DYNC2H1: variants seen among roughly 807,000 people sequenced by gnomAD.
DYNC2H1 encodes the protein dynein cytoplasmic 2 heavy chain 1.
DYNC2H1 carries 410 observed loss-of-function variants against 570.0 expected under a neutral mutation model. The ratio of observed to expected loss-of-function variants is 0.72; its 90% CI spans 0.66 to 0.78. DYNC2H1 has a LOEUF of 0.78. Among genes scored for constraint, DYNC2H1 ranks in the 30% least tolerant of loss-of-function variants. DYNC2H1 has a pLI of 0.00. For missense variants in DYNC2H1, 4,865 were observed against 5,046.4 expected, an observed-to-expected ratio of 0.96 and a Z score of 1.09; for synonymous variants, 1,688 against 1,677.6, an observed-to-expected ratio of 1.01 and a Z score of -0.15.
In DYNC2H1 at chr11:103,186,125, A is replaced by G; in HGVS notation, c.6634-117A>G. On this transcript the variant is annotated intron_variant, in intron 41 of 88. Transcript: ENST00000375735. The surrounding 1 kb of genome is among the most constrained non-coding windows in gnomAD (Gnocchi z 4.5). ...ATTAATGATAAAATAGGTTTAGTTT[A>G]TGTAAAGTTTTCTTGGAACTAAGAT... The G allele has an allele frequency of 1.0e-6, 1 of 980,858 alleles. No individual in the cohort carries two copies. The highest frequency in any genetic ancestry group is 1.5e-6 in the Non-Finnish European group (1 of 684,078). The allele number at this position is 980,858 out of a possible 1,614,324, so 60.8% of individuals were successfully genotyped here.
At position 103,363,483 on chromosome 11, in the gene DYNC2H1, A is replaced by G. The variant is rs1407784530; in HGVS notation, c.12156+5124A>G. 1.3e-5 allele frequency among the ~76,000 whole-genome samples: 2 copies of G among 152,212 alleles called. No homozygotes were observed. The highest frequency in any genetic ancestry group is 1.3e-4 in the Admixed American group (2 of 15,282). On this transcript the variant is annotated intron_variant, in intron 83 of 88. Transcript: ENST00000375735. The surrounding 1 kb of genome is among the most constrained non-coding windows in gnomAD (Gnocchi z 5.6). ...TTAATACTCAATTTAAAATCTTACC[A>G]CAAGGCAAACTCTTATTCTAAAAAA...
At chr11:103,250,177 T>A (rs1298249312) in intron 65 of DYNC2H1, among the ~76,000 whole-genome samples, 13 of 152,038 alleles carry the variant, frequency 8.6e-5, no homozygotes, top group Non-Finnish European at 1.8e-4. Flanking sequence ...TTTATCTAAA[T>A]TATCACATAA....
Position 103,249,277 on chromosome 11 carries a change from T to C in DYNC2H1, c.10042+3903T>C, listed in dbSNP as rs1375398077. 6.6e-6 allele frequency among the ~76,000 whole-genome samples: 1 copy of C among 152,044 alleles called. No individual in the cohort carries two copies. The highest frequency in any genetic ancestry group is 1.5e-5 in the Non-Finnish European group (1 of 67,942). On this transcript the variant is annotated intron_variant, in intron 65 of 88. Coordinates refer to ENST00000375735, the MANE Select transcript of DYNC2H1 (RefSeq NM_001377.3). The surrounding 1 kb of genome is among the most constrained non-coding windows in gnomAD (Gnocchi z 4.6). ...TACATGCATGGGTTGTAAAGTCAAA[T>C]GATACAGAAGTGCAGCAGCATTCTG...
rs1939866616 is a variant in DYNC2H1 at position 103,348,434 on chromosome 11, T to A, written c.12040-9809T>A. Among the ~76,000 whole-genome samples, 4 of 152,258 alleles carry A rather than the reference T, an allele frequency of 2.6e-5. No homozygotes were observed. The South Asian group carries it at 8.3e-4, about 32-fold the overall frequency. Reference sequence around the variant, plus strand: ...ATCCCCATTACCCCCAAAAGTTTTCTCTCAGCACTCCCTCCTCTTTCTTCT... The same window carrying A: ...ATCCCCATTACCCCCAAAAGTTTTCACTCAGCACTCCCTCCTCTTTCTTCT... On this transcript the variant is annotated intron_variant, in intron 82 of 88. Transcript: ENST00000375735.
chr11:103,335,730 T>C (rs1446042153), intron 82 of DYNC2H1, among the ~76,000 whole-genome samples: 2 of 152,140 alleles, frequency 1.3e-5, no homozygotes, highest in Non-Finnish European at 2.9e-5. Flanking sequence ...TTAGTGTATA[T>C]GTGGCGTTAT....
At chr11:103,424,712 A>G (rs1266888617) in intron 84 of DYNC2H1, among the ~76,000 whole-genome samples, 1 of 151,818 alleles carries the variant, frequency 6.6e-6, no homozygotes, top group Non-Finnish European at 1.5e-5. Context: ...CTCCAAAAAA[A>G]AAAAAAAAGA....
At chr11:103,450,245 T>C (rs1331133729) in intron 85 of DYNC2H1, among the ~76,000 whole-genome samples, 2 of 152,014 alleles carry the variant, frequency 1.3e-5, no homozygotes, top group African/African-American at 2.4e-5. Flanking sequence ...AATAGATAAA[T>C]CCAGAATTAA....
At position 103,446,386 on chromosome 11, in the gene DYNC2H1, G is replaced by A. The variant is rs1439777706; in HGVS notation, c.12457-8800G>A. Among the ~76,000 whole-genome samples the A allele has an allele frequency of 6.6e-6, 1 of 152,110 alleles. No individual in the cohort carries two copies. Among genetic ancestry groups the A allele is most frequent in the East Asian group, 1.9e-4 (1 of 5,180 alleles). On this transcript the variant is annotated intron_variant, in intron 85 of 88. Transcript: ENST00000375735. The surrounding 1 kb of genome is among the most constrained non-coding windows in gnomAD (Gnocchi z 4.5). ...GAGGCTGTAGTGATCAAGAAGCCAAGAGAATAAAGTGTTCTTAAAGGTCAG... is the reference window on the plus strand; with the variant it reads ...GAGGCTGTAGTGATCAAGAAGCCAAAAGAATAAAGTGTTCTTAAAGGTCAG...
chr11:103,395,368 T>C lies in DYNC2H1; in HGVS notation c.12157-4295T>C, dbSNP rs924590418. ...TTATTATGTATTATGTATATCCTCA[T>C]ATATAATATATATTCTGAAAGATCT... On this transcript the variant is annotated intron_variant, in intron 83 of 88. Transcript: ENST00000375735. The surrounding 1 kb of genome is among the most constrained non-coding windows in gnomAD (Gnocchi z 4.3). Among the ~76,000 whole-genome samples, 3 of 151,732 alleles carry C rather than the reference T, an allele frequency of 2.0e-5. No individual in the cohort carries two copies. Among genetic ancestry groups the C allele is most frequent in the Non-Finnish European group, 4.4e-5 (3 of 67,904 alleles).
At chr11:103,337,043 G>T (rs1400223076) in intron 82 of DYNC2H1, among the ~76,000 whole-genome samples, 2 of 152,154 alleles carry the variant, frequency 1.3e-5, no homozygotes, top group Non-Finnish European at 2.9e-5. Flanking sequence ...CAGAACGAGG[G>T]CAAGGAAAAC....
At position 103,429,317 on chromosome 11, in the gene DYNC2H1, A is replaced by G. The variant is rs117214129; in HGVS notation, c.12367-6626A>G. On this transcript the variant is annotated intron_variant, in intron 84 of 88. Coordinates refer to ENST00000375735, the MANE Select transcript of DYNC2H1 (RefSeq NM_001377.3). ...TAGTTTTTCATAGAAAGCAAGTAAT[A>G]GAAGATCCTCTTTGAGAAGGGAAAA... Among the ~76,000 whole-genome samples, 361 of 152,274 alleles carry G rather than the reference A, an allele frequency of 2.4e-3. 2 individuals are homozygous for G. Among genetic ancestry groups the G allele is most frequent in the Non-Finnish European group, 4.2e-3 (283 of 68,016 alleles).
At chr11:103,128,475 A>G (rs150409103) in intron 12 of DYNC2H1, among the ~76,000 whole-genome samples, 139 of 152,330 alleles carry the variant, frequency 9.1e-4, no homozygotes, top group Admixed American at 2.2e-3. Context: ...CTGATGTGGA[A>G]TATGAGAGAA....
intron 83 of DYNC2H1, among the ~76,000 whole-genome samples, chr11:103,374,263 G>A (rs940872897): frequency 2.6e-5 from 4 of 152,160 alleles, no homozygotes; most frequent in African/African-American, 9.7e-5. Context: ...GTTTTCTCAT[G>A]CTGTTCTCAT....
In DYNC2H1 at chr11:103,204,686, A is replaced by G. The variant is rs368226928; in HGVS notation, c.8312-136A>G. 64 of 546,890 alleles carry G rather than the reference A, an allele frequency of 1.2e-4. 1 individual carries two copies. The East Asian group carries it at 1.4e-3, about 12-fold the overall frequency. The allele number at this position is 546,890 out of a possible 1,614,324, so 33.9% of individuals were successfully genotyped here. ...TGTTCTTTTAACTAAAATAAAAATC[A>G]TAACATAATATTGTTTTATATTGTG... On this transcript the variant is annotated intron_variant, in intron 51 of 88. Coordinates refer to ENST00000375735, the MANE Select transcript of DYNC2H1 (RefSeq NM_001377.3). This position sits in a 1 kb window ranked among gnomAD's most constrained non-coding sequence, Gnocchi z 4.1.
intron 83 of DYNC2H1, among the ~76,000 whole-genome samples, chr11:103,385,940 T>TG: frequency 6.6e-6 from 1 of 152,198 alleles, no homozygotes; most frequent in Admixed American, 6.5e-5. Flanking sequence ...AAATAAGGCC[T>TG]GGGGCAAGAA....
In DYNC2H1 at chr11:103,189,891, C is replaced by T; in HGVS notation, c.7437+75C>T. The T allele has an allele frequency of 7.1e-7, 1 of 1,409,008 alleles. No individual in the cohort carries two copies. The highest frequency in any genetic ancestry group is 9.5e-7 in the Non-Finnish European group (1 of 1,052,054). 87.3% of individuals were successfully genotyped at this position (1,409,008 alleles called of 1,614,324 possible). ...AAAGGTCTACTTTTAATTCTGACCT[C>T]TGTGTTGACACCCAGGCTTTACTTT... On this transcript the variant is annotated intron_variant, in intron 45 of 88. Coordinates refer to ENST00000375735, the MANE Select transcript of DYNC2H1 (RefSeq NM_001377.3). The surrounding 1 kb of genome is among the most constrained non-coding windows in gnomAD (Gnocchi z 4.3).
At chr11:103,387,913 G>A (rs1941959866) in intron 83 of DYNC2H1, among the ~76,000 whole-genome samples, 1 of 152,170 alleles carries the variant, frequency 6.6e-6, no homozygotes, top group Non-Finnish European at 1.5e-5. Flanking sequence ...TAGCCTTGTA[G>A]TATAGTTTGA....
Position 103,161,029 on chromosome 11 carries a change from A to G in DYNC2H1, c.4476A>G (p.Leu1492=). ...TACCTTTTAAAAATAAAGTTCCTCT[A>G]TCAAATAATGTAGAGGTAAGCAATT... ...EVVPFKNKVP[L]SNNVETWLND... The change falls in exon 29 of 89, where the codon CTA becomes CTG. Residue 1492 remains leucine (L), a synonymous_variant. Coordinates refer to ENST00000375735, the MANE Select transcript of DYNC2H1 (RefSeq NM_001377.3). The G allele has an allele frequency of 6.7e-7, 1 of 1,502,380 alleles. No individual in the cohort carries two copies. Among genetic ancestry groups the G allele is most frequent in the East Asian group, 2.4e-5 (1 of 41,276 alleles). 93.1% of individuals were successfully genotyped at this position (1,502,380 alleles called of 1,614,324 possible).
At chr11:103,122,784 G>A in intron 10 of DYNC2H1, 41 bp from the exon 11 acceptor site, 1 of 1,557,602 alleles carries the variant, frequency 6.4e-7, no homozygotes, top group African/African-American at 1.4e-5. Flanking sequence ...AATTTTTTTG[G>A]AATTTAAATA....
Sources: gnomAD v4.1 joint callset for allele counts (sites outside exome capture counted in the v4.1 genomes callset) on GRCh38, gnomAD v4.1.1 for gene constraint, Gnocchi (gnomAD v3.1) non-coding constraint, MANE v1.5 for transcripts, NCBI Gene and HGNC (gene_info 2026-07-23, HGNC 2026-07-21) for gene names.